Variants in GNPAT observed in about 807,000 individuals in gnomAD.
GNPAT encodes the protein glyceronephosphate O-acyltransferase.
A neutral mutation model predicts 78.4 loss-of-function variants in GNPAT; 30 were observed. The ratio of observed to expected loss-of-function variants is 0.38; its 90% confidence interval spans 0.29 to 0.52. GNPAT has a LOEUF of 0.52. Ranked by LOEUF, GNPAT falls within the 20% of genes least tolerant of loss-of-function variation. The pLI is 0.84. For synonymous variants in GNPAT, 271 were observed against 281.1 expected, an observed-to-expected ratio of 0.96 and a Z score of 0.36; for missense variants, 714 against 812.2, an observed-to-expected ratio of 0.88 and a Z score of 1.47.
In GNPAT at chr1:231,242,277, A is replaced by G. The variant is rs181324156; in HGVS notation, c.78+821A>G. Among the ~76,000 whole-genome samples the G allele has an allele frequency of 1.5e-3, 227 of 152,324 alleles. 1 individual carries two copies. Among genetic ancestry groups the G allele is most frequent in the Non-Finnish European group, 5.3e-4 (36 of 68,030 alleles). ...TAGTTTTTAGCTACTTTAGGAGAAA[A>G]TGAAAGAATTCATTTTAAAAGCATA... On this transcript the variant is annotated intron_variant, in intron 1 of 15. Coordinates refer to ENST00000366647, the MANE Select transcript of GNPAT (RefSeq NM_014236.4).
At chr1:231,247,646 A>C (rs1405963573) in intron 1 of GNPAT, among the ~76,000 whole-genome samples, 1 of 152,224 alleles carries the variant, frequency 6.6e-6, no homozygotes, top group African/African-American at 2.4e-5. Flanking sequence ...CTTGTTCTTC[A>C]TAAAAGAGAC....
chr1:231,265,911 G>A (rs1432338009), intron 6 of GNPAT, 103 bp from the exon 7 acceptor site: 8 of 1,075,506 alleles, frequency 7.4e-6, no homozygotes, highest in African/African-American at 1.6e-5. Flanking sequence ...TGATATTTAC[G>A]GGATTAGTGT....
chr1:231,248,567 G>GAA (rs539895087), intron 1 of GNPAT, among the ~76,000 whole-genome samples: 7 of 139,576 alleles, frequency 5.0e-5, no homozygotes, highest in African/African-American at 1.8e-4. Flanking sequence ...CGTCTCTATT[G>GAA]AAAAAAAAAA....
chr1:231,241,468 G>A lies in GNPAT; in HGVS notation c.78+12G>A. The A allele has an allele frequency of 1.3e-6, 2 of 1,593,628 alleles. No individual in the cohort carries two copies. Among genetic ancestry groups the A allele is most frequent in the South Asian group, 1.1e-5 (1 of 90,692 alleles). On this transcript the variant is annotated intron_variant, in intron 1 of 15. Coordinates refer to ENST00000366647, the MANE Select transcript of GNPAT (RefSeq NM_014236.4). ...TGCTCCTCTACTCGGTAGGCGCCCA[G>A]GGAAAAGAGGCCCAGAGCGGAGCCG...
In GNPAT at chr1:231,260,650, GA is replaced by G. The variant is rs2102813310; in HGVS notation, c.407del (p.Lys136ArgfsTer4). 6.2e-7 allele frequency: 1 copy of G among 1,611,976 alleles called. No individual in the cohort carries two copies. The highest frequency in any genetic ancestry group is 8.5e-7 in the Non-Finnish European group (1 of 1,178,432). On this transcript the variant is annotated frameshift_variant, in exon 3 of 16. Transcript: ENST00000366647. LOFTEE classifies it high-confidence loss of function. ...LSKVFKQIFS[K>X]VCVNEEGIQK... ...GCAAAGTATTTAAACAAATTTTCTCGAAGGTGTGTGTAAATGAAGAAGGTAT... is the reference window on the plus strand; with the variant it reads ...GCAAAGTATTTAAACAAATTTTCTCGAGGTGTGTGTAAATGAAGAAGGTAT...
At chr1:231,273,497 C>T (rs866031894) in intron 11 of GNPAT, among the ~76,000 whole-genome samples, 22 of 152,052 alleles carry the variant, frequency 1.4e-4, no homozygotes, top group Non-Finnish European at 2.2e-4. Flanking sequence ...ATGATCCGCC[C>T]GCCTCAGCCT....
chr1:231,247,941 G>C (rs550178459), intron 1 of GNPAT, among the ~76,000 whole-genome samples: 1 of 152,164 alleles, frequency 6.6e-6, no homozygotes, highest in Admixed American at 6.5e-5. Flanking sequence ...ACAGAACCAC[G>C]GAAGGATTGT....
Position 231,262,867 on chromosome 1 carries a change from T to G in GNPAT, c.568+15T>G, listed in dbSNP as rs1685263813. 6.2e-7 allele frequency: 1 copy of G among 1,606,262 alleles called. No individual in the cohort carries two copies. Among genetic ancestry groups the G allele is most frequent in the African/African-American group, 1.3e-5 (1 of 74,894 alleles). ...AGCAGGAATGGGTATGTATTGTTTT[T>G]CTGTTTTTTTAACTGTAAAAATTAA... On this transcript the variant is annotated intron_variant, in intron 4 of 15. Coordinates refer to ENST00000366647, the MANE Select transcript of GNPAT (RefSeq NM_014236.4).
intron 2 of GNPAT, among the ~76,000 whole-genome samples, chr1:231,251,777 T>C (rs1193773562): frequency 6.6e-6 from 1 of 152,124 alleles, no homozygotes; most frequent in Non-Finnish European, 1.5e-5. Context: ...AAGCTATCAG[T>C]TTTCTCTGGT....
intron 2 of GNPAT, among the ~76,000 whole-genome samples, chr1:231,257,378 G>A (rs1314275540): frequency 6.6e-6 from 1 of 151,974 alleles, no homozygotes; most frequent in East Asian, 1.9e-4. Flanking sequence ...TTCCATTCAG[G>A]TCCCAATTTT....
chr1:231,256,778 G>A (rs113786407), intron 2 of GNPAT, among the ~76,000 whole-genome samples: 6 of 152,138 alleles, frequency 3.9e-5, no homozygotes, highest in African/African-American at 9.7e-5. Flanking sequence ...GAGCCACTGC[G>A]CCCGGCCAAT....
Position 231,251,058 on chromosome 1 carries a change from T to A in GNPAT, c.176T>A (p.Val59Asp). ...GCAATGAAATGCTACACACCTCTTG[T>A]CTATAAGGGAATTACTCCATGTAAA... The part of the protein sequence containing the change: ...KFAMKCYTPL[V>D]YKGITPCKPI... Residue 59 changes from valine (V) to aspartate (D), a missense_variant, in exon 2 of 16, where the codon GTC (valine) becomes GAC (aspartate). Physicochemically the swap from Val to Asp is radical, Grantham distance 152 (BLOSUM62 -3). Coordinates refer to ENST00000366647, the MANE Select transcript of GNPAT (RefSeq NM_014236.4). 1 of 1,593,906 alleles carries A rather than the reference T, an allele frequency of 6.3e-7. No homozygotes were observed. Among genetic ancestry groups the A allele is most frequent in the Non-Finnish European group, 8.6e-7 (1 of 1,161,532 alleles).
chr1:231,274,083 C>T, intron 12 of GNPAT, 21 bp downstream of exon 12: 6 of 1,600,556 alleles, frequency 3.7e-6, no homozygotes, highest in Non-Finnish European at 5.1e-6. Context: ...TTGGCAAGTT[C>T]TCCTTCATGC....
rs1185427688 is a variant in GNPAT, at chr1:231,251,119, G to A, written c.237G>A (p.Glu79=). 2 of 1,587,682 alleles carry A rather than the reference G, an allele frequency of 1.3e-6. No homozygotes were observed. The highest frequency in any genetic ancestry group is 1.7e-4 in the Middle Eastern group (1 of 5,982). Residue 79 remains glutamate, a synonymous_variant, in exon 2 of 16, where the codon GAG becomes GAA. Transcript: ENST00000366647. ...IDIKCSVLNS[E]EIHYVIKQLS... ...TTAAATGTAGTGTTCTCAATTCTGAGGAGATTCATTATGTCATTAAACAGG... is the reference window on the plus strand; with the variant it reads ...TTAAATGTAGTGTTCTCAATTCTGAAGAGATTCATTATGTCATTAAACAGG...
At chr1:231,271,388 G>A (rs546407828) in intron 10 of GNPAT, among the ~76,000 whole-genome samples, 7 of 152,164 alleles carry the variant, frequency 4.6e-5, no homozygotes, top group South Asian at 2.1e-4. Flanking sequence ...GAGTACTCCC[G>A]AGATGCATGG....
At chr1:231,263,075 TA>T (rs1339384121) in intron 4 of GNPAT, among the ~76,000 whole-genome samples, 1 of 152,224 alleles carries the variant, frequency 6.6e-6, no homozygotes, top group East Asian at 1.9e-4. Flanking sequence ...GGTGTAGGCT[TA>T]AAAAATGAGA....
Position 231,277,778 on chromosome 1 carries a change from T to C in GNPAT, c.*236T>C, listed in dbSNP as rs1685758556. The C allele has an allele frequency of 2.1e-6, 1 of 484,878 alleles. No homozygotes were observed. Among genetic ancestry groups the C allele is most frequent in the Admixed American group, 3.5e-5 (1 of 28,624 alleles). The allele number at this position is 484,878 out of a possible 1,614,324, so 30.0% of individuals were successfully genotyped here. A position where few individuals can be genotyped will look rare whatever the true frequency, so the allele number is the denominator to read the frequency against. Reference sequence around the variant, plus strand: ...TATGTGTGTGTTTTAAAATAAACTTTTGGAAACATGTTTGGAAAAGCAAAG... The same window carrying C: ...TATGTGTGTGTTTTAAAATAAACTTCTGGAAACATGTTTGGAAAAGCAAAG... On this transcript the variant is annotated 3_prime_UTR_variant, in exon 16 of 16. Transcript: ENST00000366647.
At position 231,251,007 on chromosome 1, in the gene GNPAT, G is replaced by A. The variant is rs1476002282; in HGVS notation, c.125G>A (p.Arg42Lys). Residue 42 changes from arginine (R) to lysine (K), a missense_variant, in exon 2 of 16, where the codon AGG (arginine) becomes AAG (lysine). Coordinates refer to ENST00000366647, the MANE Select transcript of GNPAT (RefSeq NM_014236.4). Reference protein sequence around the residue: ...WDEFEDILEERRHVSDLKFAM... With the variant: ...WDEFEDILEEKRHVSDLKFAM... ...GAGTTTGAAGATATTTTAGAAGAGAGGAGGCATGTCAGTGACTTGAAATTT... is the reference window on the plus strand; with the variant it reads ...GAGTTTGAAGATATTTTAGAAGAGAAGAGGCATGTCAGTGACTTGAAATTT... The A allele has an allele frequency of 1.9e-6, 3 of 1,611,788 alleles. No individual in the cohort carries two copies. Among genetic ancestry groups the A allele is most frequent in the Non-Finnish European group, 1.7e-6 (2 of 1,177,956 alleles).
rs1438433443 is a variant in GNPAT at position 231,241,237 on chromosome 1, C to CG, written c.-139dup. On this transcript the variant is annotated 5_prime_UTR_variant, in exon 1 of 16. An upstream open reading frame in the 5' UTR gains an earlier in-frame stop. Transcript: ENST00000366647. ...CCGTCCTGGCTGAGATGGCGGCGCC[C>CG]GGGATCCTGTGTAGCGGCTGCAGAG... 1.4e-5 allele frequency: 20 copies of CG among 1,479,816 alleles called. No homozygotes were observed. The highest frequency in any genetic ancestry group is 4.0e-4 in the Middle Eastern group (2 of 4,968). 91.7% of individuals were successfully genotyped at this position (1,479,816 alleles called of 1,614,324 possible). A position where few individuals can be genotyped will look rare whatever the true frequency, so the allele number is the denominator to read the frequency against.
Sources: allele counts gnomAD v4.1 joint callset (sites outside exome capture counted in the v4.1 genomes callset), GRCh38; gene constraint gnomAD v4.1.1; transcripts MANE v1.5; gene names NCBI Gene and HGNC (gene_info 2026-07-23, HGNC 2026-07-21).